The following SP100 variants were observed in gnomAD, a reference collection of about 807,000 sequenced individuals.
The protein encoded by SP100 is nuclear autoantigen Sp-100.
A neutral mutation model predicts 130.0 loss-of-function variants in SP100; 84 were observed. The observed-to-expected ratio is 0.65, with a 90% CI of 0.54 to 0.77. The LOEUF (loss-of-function observed/expected upper bound fraction) is 0.77. Ranked by LOEUF, SP100 falls within the 30% of genes least tolerant of loss-of-function variation. The pLI, the probability that SP100 is intolerant of heterozygous loss-of-function variation, is 0.00. For missense variants in SP100, 978 were observed against 1,052.2 expected, an observed-to-expected ratio of 0.93 and a Z score of 0.97; for synonymous variants, 331 against 351.7, an observed-to-expected ratio of 0.94 and a Z score of 0.66.
intron 24 of SP100, among the ~76,000 whole-genome samples, chr2:230,516,696 G>T (rs992660390): frequency 2.6e-5 from 4 of 152,092 alleles, no homozygotes; most frequent in African/African-American, 9.7e-5. Context: ...CCATAAAAAA[G>T]CAATTTTGGA....
chr2:230,430,196 G>A (rs1012425280), intron 2 of SP100, among the ~76,000 whole-genome samples: 3 of 152,166 alleles, frequency 2.0e-5, no homozygotes, highest in Non-Finnish European at 4.4e-5. Flanking sequence ...GCTTGCTGTT[G>A]AGATCTCCAG....
At chr2:230,450,082 G>A in intron 7 of SP100, 90 bp from the exon 8 acceptor site, 1 of 869,300 alleles carries the variant, frequency 1.2e-6, no homozygotes, top group African/African-American at 1.7e-5. Context: ...AACAGGAGAA[G>A]AAAGGAGAAG....
chr2:230,428,689 A>C (rs1266497328), intron 2 of SP100, among the ~76,000 whole-genome samples: 1 of 151,916 alleles, frequency 6.6e-6, no homozygotes, highest in Non-Finnish European at 1.5e-5. Flanking sequence ...TGATCCACCC[A>C]CCTCGGCCTC....
At position 230,459,963 on chromosome 2, in the gene SP100, G is replaced by A. The variant is rs940617429; in HGVS notation, c.821-1299G>A. 3.9e-5 allele frequency among the ~76,000 whole-genome samples: 6 copies of A among 152,162 alleles called. No individual in the cohort carries two copies. In the East Asian group the frequency reaches 5.8e-4, roughly 15 times the overall value. ...TCTACCACGCACCTGCGCGTTCCCC[G>A]TCACCCACCTCTCGCCCTTTCATGC... On this transcript the variant is annotated intron_variant, in intron 8 of 28. Coordinates refer to ENST00000340126, the MANE Select transcript of SP100 (RefSeq NM_001080391.2).
At chr2:230,444,949 A>G (rs867620959) in intron 4 of SP100, among the ~76,000 whole-genome samples, 1 of 152,232 alleles carries the variant, frequency 6.6e-6, no homozygotes, top group South Asian at 2.1e-4. Context: ...GTGTTTGCCT[A>G]GTAACACTGC....
intron 2 of SP100, among the ~76,000 whole-genome samples, chr2:230,418,738 G>A (rs941213015): frequency 6.6e-6 from 1 of 151,762 alleles, no homozygotes; most frequent in Non-Finnish European, 1.5e-5. Context: ...CTGCTGATTC[G>A]CAGTGCTACC....
chr2:230,499,140 G>C (rs1455271116), intron 19 of SP100, among the ~76,000 whole-genome samples: 1 of 152,086 alleles, frequency 6.6e-6, no homozygotes, highest in Non-Finnish European at 1.5e-5. Context: ...GGAAGGGTTG[G>C]AACAGCAGCT....
chr2:230,470,264 T>C, intron 15 of SP100, 166 bp downstream of exon 15: 1 of 1,341,242 alleles, frequency 7.5e-7, no homozygotes, highest in Non-Finnish European at 9.6e-7. Flanking sequence ...GGCAGGAAAT[T>C]ATGATAAACT....
chr2:230,488,665 G>A (rs191254706), intron 17 of SP100, among the ~76,000 whole-genome samples: 47 of 152,224 alleles, frequency 3.1e-4, no homozygotes, highest in South Asian at 1.0e-3. Context: ...CAACCGCCTC[G>A]GCCTCCCAAA....
intron 24 of SP100, among the ~76,000 whole-genome samples, chr2:230,525,464 A>G (rs1446968428): frequency 6.6e-6 from 1 of 152,188 alleles, no homozygotes; most frequent in African/African-American, 2.4e-5. Flanking sequence ...CCAAACAGGA[A>G]GAGCTCCGGT....
intron 11 of SP100, 77 bp from the exon 12 acceptor site, chr2:230,466,224 C>A: frequency 1.4e-6 from 1 of 726,436 alleles, no homozygotes; most frequent in Non-Finnish European, 2.4e-6. Flanking sequence ...AACCCAAGCC[C>A]ATTTGCCATG....
Position 230,494,397 on chromosome 2 carries a change from C to T in SP100, c.1601-19C>T. On this transcript the variant is annotated intron_variant, in intron 17 of 28. Coordinates refer to ENST00000340126, the MANE Select transcript of SP100 (RefSeq NM_001080391.2). The stretch of plus-strand genomic sequence containing the variant: ...GTTTATAGTTCTAAAGGATTATTTT[C>T]TTTCTTTTCTGTTTGCAGGAAAAAA... The T allele has an allele frequency of 1.3e-6, 2 of 1,539,792 alleles. No homozygotes were observed.
intron 24 of SP100, chr2:230,537,632 C>T (rs975031123): frequency 1.3e-5 from 2 of 152,248 alleles, no homozygotes; most frequent in Non-Finnish European, 2.9e-5. Flanking sequence ...CCAGCCCTTA[C>T]TCAGGAGAAA....
At chr2:230,445,180 A>G (rs1293771680) in intron 4 of SP100, among the ~76,000 whole-genome samples, 1 of 152,230 alleles carries the variant, frequency 6.6e-6, no homozygotes, top group East Asian at 1.9e-4. Context: ...CATAATTTAT[A>G]CTATTAAAAT....
intron 18 of SP100, among the ~76,000 whole-genome samples, chr2:230,497,488 G>GGAGGGGAGGAGAGGA (rs2066736935): frequency 6.2e-5 from 2 of 32,468 alleles, no homozygotes; most frequent in African/African-American, 2.8e-4. Flanking sequence ...GGAGGGGAGG[G>GGAGGGGAGGAGAGGA]GAGGAGAGGA....
At chr2:230,525,862 T>TC (rs1691398090) in intron 24 of SP100, among the ~76,000 whole-genome samples, 1 of 152,192 alleles carries the variant, frequency 6.6e-6, no homozygotes, top group African/African-American at 2.4e-5. Context: ...CCACCATTGC[T>TC]AAGGCTTGAG....
At chr2:230,507,752 G>A (rs2150075251) in intron 22 of SP100, among the ~76,000 whole-genome samples, 1 of 152,284 alleles carries the variant, frequency 6.6e-6, no homozygotes, top group South Asian at 2.1e-4. Flanking sequence ...TCAAGAAGTT[G>A]GGAGTAATGA....
chr2:230,431,401 G>T (rs2063096188), intron 2 of SP100, among the ~76,000 whole-genome samples: 1 of 152,174 alleles, frequency 6.6e-6, no homozygotes, highest in Non-Finnish European at 1.5e-5. Context: ...TGCCAGCCTG[G>T]GGTAGGAGCA....
At chr2:230,458,830 AT>A (rs2064426943) in intron 8 of SP100, among the ~76,000 whole-genome samples, 1 of 152,186 alleles carries the variant, frequency 6.6e-6, no homozygotes, top group Non-Finnish European at 1.5e-5. Flanking sequence ...ATGCGAAAGT[AT>A]TTTTGAAAAA....
Sources: allele counts gnomAD v4.1 joint callset (sites outside exome capture counted in the v4.1 genomes callset), GRCh38; gene constraint gnomAD v4.1.1; transcripts MANE v1.5; gene names NCBI Gene and HGNC (gene_info 2026-07-23, HGNC 2026-07-21).